Variants in PPP2R2B observed in about 807,000 individuals in gnomAD.
The protein encoded by PPP2R2B is protein phosphatase 2 regulatory subunit Bbeta.
In PPP2R2B, 5 loss-of-function variants were observed where a neutral mutation model predicts 46.0. The observed-to-expected ratio is 0.11, with a 90% CI of 0.06 to 0.23. The LOEUF (loss-of-function observed/expected upper bound fraction) is 0.23, where lower values mean the gene tolerates loss of function less well. Among genes scored for constraint, PPP2R2B ranks in the 10% least tolerant of loss-of-function variants. PPP2R2B has a pLI of 1.00. For missense variants in PPP2R2B, 367 were observed against 575.0 expected (o/e 0.64, Z 3.70); for synonymous variants, 215 against 206.7 (o/e 1.04, Z -0.34).
At chr5:146,674,466 C>T (rs537953904) in intron 5 of PPP2R2B, among the ~76,000 whole-genome samples, 30 of 152,312 alleles carry the variant, frequency 2.0e-4, no homozygotes, top group African/African-American at 7.0e-4. Context: ...AACAATTATT[C>T]TGTTTTAAAG....
At position 146,842,234 on chromosome 5, in the gene PPP2R2B, T is replaced by C. The variant is rs188376432; in HGVS notation, c.70+35768A>G. Reference sequence around the variant, plus strand: ...GAGGAATCGACTTCATGGGAATTCATAGTCCAAAATTATATGGCCTGCTGT... The same window carrying C: ...GAGGAATCGACTTCATGGGAATTCACAGTCCAAAATTATATGGCCTGCTGT... On this transcript the variant is annotated intron_variant, in intron 2 of 9. Coordinates refer to ENST00000394411, the MANE Select transcript of PPP2R2B (RefSeq NM_181675.4). Among the ~76,000 whole-genome samples, 831 of 152,330 alleles carry C rather than the reference T, an allele frequency of 5.5e-3. 8 individuals carry two copies. Among genetic ancestry groups the C allele is most frequent in the South Asian group, 0.034 (162 of 4,824 alleles).
chr5:146,834,297 G>A (rs1158730422), intron 2 of PPP2R2B, among the ~76,000 whole-genome samples: 1 of 152,156 alleles, frequency 6.6e-6, no homozygotes, highest in African/African-American at 2.4e-5. Context: ...GGAGAACAAT[G>A]ACATTCTGAT....
intron 2 of PPP2R2B, among the ~76,000 whole-genome samples, chr5:146,860,529 T>C (rs923984596): frequency 6.6e-6 from 1 of 152,168 alleles, no homozygotes; most frequent in African/African-American, 2.4e-5. Flanking sequence ...CCATACTCTG[T>C]CTTTAACAGC....
At chr5:146,812,326 C>A (rs1193699453) in intron 2 of PPP2R2B, among the ~76,000 whole-genome samples, 1 of 149,722 alleles carries the variant, frequency 6.7e-6, no homozygotes, top group Non-Finnish European at 1.5e-5. Flanking sequence ...CATGAAGATT[C>A]TGGAGCCTAG....
At chr5:146,831,433 G>T (rs919300808) in intron 2 of PPP2R2B, among the ~76,000 whole-genome samples, 2 of 144,818 alleles carry the variant, frequency 1.4e-5, no homozygotes, top group Non-Finnish European at 3.0e-5. Context: ...GAAGACTGAG[G>T]TTGCAGTGAG....
chr5:146,604,591 G>C (rs943908035), intron 7 of PPP2R2B, among the ~76,000 whole-genome samples: 1 of 152,186 alleles, frequency 6.6e-6, no homozygotes, highest in Non-Finnish European at 1.5e-5. Flanking sequence ...CAACAGGAGC[G>C]TATGTCTTGG....
Position 146,590,104 on chromosome 5 carries a change from T to C in PPP2R2B, c.1175A>G (p.Lys392Arg), listed in dbSNP as rs771329667. The change falls in exon 10 of 10, where the codon AAA becomes AGA. Residue 392 changes from lysine to arginine, a missense_variant. Physicochemically the swap from Lys to Arg is conservative, Grantham distance 26. Around this residue, in one of 2 missense-constraint regions of PPP2R2B, gnomAD observed 361 missense variants for 545.5 expected, o/e 0.66. Coordinates refer to ENST00000394411, the MANE Select transcript of PPP2R2B (RefSeq NM_181675.4). Reference sequence around the variant, plus strand: ...TCTCCGCTTGCCCCCCACACACACTTTTCGGGGTTTGAGGATAGCCCGGGG... The same window carrying C: ...TCTCCGCTTGCCCCCCACACACACTCTTCGGGGTTTGAGGATAGCCCGGGG... ...SKPRAILKPR[K>R]VCVGGKRRKD... 8 of 1,613,932 alleles carry C rather than the reference T, an allele frequency of 5.0e-6. No individual in the cohort carries two copies. The highest frequency in any genetic ancestry group is 6.8e-6 in the Non-Finnish European group (8 of 1,180,032).
At chr5:146,881,721 CTT>C (rs1762174291), upstream of PPP2R2B, among the ~76,000 whole-genome samples, 1 of 152,166 alleles carries the variant, frequency 6.6e-6, no homozygotes, top group African/African-American at 2.4e-5. Context: ...CTCACTAGAT[CTT>C]TTCTATTGAC....
chr5:146,962,777 G>A (rs761834230), intron 1 of PPP2R2B, among the ~76,000 whole-genome samples: 8 of 152,228 alleles, frequency 5.3e-5, no homozygotes, highest in East Asian at 3.9e-4. Context: ...AGTTCGCTGC[G>A]GAACTTGCCA....
chr5:146,764,970 G>A (rs905473907), intron 2 of PPP2R2B, among the ~76,000 whole-genome samples: 2 of 152,082 alleles, frequency 1.3e-5, no homozygotes, highest in African/African-American at 4.8e-5. Flanking sequence ...TTATCCTCAG[G>A]TATAAAAAGA....
chr5:146,796,355 T>A lies in PPP2R2B; in HGVS notation c.70+81647A>T, dbSNP rs552872596. Among the ~76,000 whole-genome samples, 15 of 152,292 alleles carry A rather than the reference T, an allele frequency of 9.8e-5. No homozygotes were observed. The South Asian group carries it at 3.1e-3, about 32-fold the overall frequency. On this transcript the variant is annotated intron_variant, in intron 2 of 9. Coordinates refer to ENST00000394411, the MANE Select transcript of PPP2R2B (RefSeq NM_181675.4). ...AGAACTTAAAACCACCCACCTGGCCTATGTGCAATGCACTTTTTACCAAGT... is the reference window on the plus strand; with the variant it reads ...AGAACTTAAAACCACCCACCTGGCCAATGTGCAATGCACTTTTTACCAAGT...
chr5:146,666,374 A>C lies in PPP2R2B; in HGVS notation c.448-15650T>G, dbSNP rs149584724. 2.6e-3 allele frequency among the ~76,000 whole-genome samples: 402 copies of C among 152,362 alleles called. 2 individuals carry two copies. The highest frequency in any genetic ancestry group is 9.5e-3 in the African/African-American group (397 of 41,590). The stretch of plus-strand genomic sequence containing the variant: ...CGTAAATATAGTATTATTTGACTGG[A>C]TGCTATAAACAAGCATTTCTTTTGT... On this transcript the variant is annotated intron_variant, in intron 5 of 9. Coordinates refer to ENST00000394411, the MANE Select transcript of PPP2R2B (RefSeq NM_181675.4).
intron 1 of PPP2R2B, among the ~76,000 whole-genome samples, chr5:146,920,348 C>G (rs1466187083): frequency 2.6e-5 from 4 of 152,122 alleles, no homozygotes; most frequent in Non-Finnish European, 4.4e-5. Context: ...TTACCAGGCC[C>G]AATACAGTGA....
chr5:147,006,506 C>G (rs984118542), intron 1 of PPP2R2B, among the ~76,000 whole-genome samples: 1 of 152,150 alleles, frequency 6.6e-6, no homozygotes, highest in African/African-American at 2.4e-5. Context: ...TCCATCAATG[C>G]AGGGGCATAC....
chr5:146,643,786 A>T (rs778985804), intron 6 of PPP2R2B, among the ~76,000 whole-genome samples: 30 of 152,244 alleles, frequency 2.0e-4, no homozygotes, highest in Non-Finnish European at 2.8e-4. Flanking sequence ...TATAATCCCA[A>T]CTATATACAA....
chr5:147,037,479 T>C (rs1165383040), intron 1 of PPP2R2B, among the ~76,000 whole-genome samples: 1 of 152,044 alleles, frequency 6.6e-6, no homozygotes, highest in Non-Finnish European at 1.5e-5. Context: ...TGTATCAATA[T>C]ATACATAAAT....
At chr5:146,744,212 GC>G (rs1231393039) in intron 2 of PPP2R2B, among the ~76,000 whole-genome samples, 2 of 151,972 alleles carry the variant, frequency 1.3e-5, no homozygotes, top group Non-Finnish European at 2.9e-5. Context: ...ACCATCCCCT[GC>G]CCCCACCCTT....
Position 146,581,429 on chromosome 5 carries a change from T to A in PPP2R2B, c.*8518A>T. ...ATGCATGAGAAATCCACCTCCACGA[T>A]CCAATCACCTCCCACCTGGCCCCAC... On this transcript the variant is annotated 3_prime_UTR_variant, in exon 10 of 10. Coordinates refer to ENST00000394411, the MANE Select transcript of PPP2R2B (RefSeq NM_181675.4). 1 of 152,082 alleles carries A rather than the reference T, an allele frequency of 6.6e-6. No individual in the cohort carries two copies. Among genetic ancestry groups the A allele is most frequent in the Non-Finnish European group, 1.5e-5 (1 of 68,024 alleles). 9.4% of individuals were successfully genotyped at this position (152,082 alleles called of 1,614,324 possible).
intron 4 of PPP2R2B, among the ~76,000 whole-genome samples, chr5:146,692,292 A>G (rs1048657744): frequency 6.6e-6 from 1 of 152,164 alleles, no homozygotes; most frequent in Non-Finnish European, 1.5e-5. Flanking sequence ...TGCTGCCTCT[A>G]TGGAGTCTCC....
Sources: gnomAD v4.1 joint callset for allele counts (sites outside exome capture counted in the v4.1 genomes callset) on GRCh38, gnomAD v4.1.1 for gene constraint, gnomAD v4.1.1 regional missense constraint, MANE v1.5 for transcripts, NCBI Gene and HGNC (gene_info 2026-07-23, HGNC 2026-07-21) for gene names.